The following DNAH3 variants were observed in gnomAD, a reference collection of about 807,000 sequenced individuals.
The protein encoded by DNAH3 is axonemal beta dynein heavy chain 3.
A neutral mutation model predicts 432.5 loss-of-function variants in DNAH3; 332 were observed. The ratio of observed to expected loss-of-function variants is 0.77; its 90% CI spans 0.70 to 0.84. The LOEUF (loss-of-function observed/expected upper bound fraction) is 0.84, where lower values mean the gene tolerates loss of function less well. Ranked by LOEUF, DNAH3 falls within the 40% of genes least tolerant of loss-of-function variation. DNAH3 has a pLI of 0.00. For missense variants in DNAH3, 4,861 were observed against 5,114.0 expected (o/e 0.95, Z 1.51); for synonymous variants, 1,956 against 1,900.2 (o/e 1.03, Z -0.76).
chr16:21,121,957 A>T (rs138874390), exon 10 of DNAH3: 28 of 1,612,182 alleles, frequency 1.7e-5, no homozygotes, highest in Non-Finnish European at 2.2e-5. Context: ...TGGGGATCCC[A>T]TTAGAGTTCT....
In DNAH3 at chr16:21,071,767, C is replaced by T. The variant is rs141840558; in HGVS notation, c.3085-941G>A. ...AGACATTTATTGTCCACCTCCTTTG[C>T]AGAAGTCAAATACAGTCTAATCCAA... On this transcript the variant is annotated intron_variant, in intron 21 of 61. Coordinates refer to ENST00000261383, the Ensembl canonical transcript of DNAH3. 7.2e-4 allele frequency among the ~76,000 whole-genome samples: 110 copies of T among 152,134 alleles called. 2 individuals are homozygous for T. The East Asian group carries it at 0.018, about 25-fold the overall frequency.
At chr16:21,049,609 G>T in exon 31 of DNAH3, 1 of 1,614,184 alleles carries the variant, frequency 6.2e-7, no homozygotes, top group Non-Finnish European at 8.5e-7. Context: ...CCATGCTCCA[G>T]CCTGTGCCAG....
chr16:20,991,630 C>CT lies in DNAH3; in HGVS notation c.6602-3566dup, dbSNP rs570144246. Among the ~76,000 whole-genome samples, 26 of 152,254 alleles carry CT rather than the reference C, an allele frequency of 1.7e-4. No individual in the cohort carries two copies. The South Asian group carries it at 5.0e-3, about 29-fold the overall frequency. Reference sequence around the variant, plus strand: ...TTCCCTCCATTCCTTTCTTACGTGTCTTATCCGTTGAAGATCTGGGCTGTT... The same window carrying CT: ...TTCCCTCCATTCCTTTCTTACGTGTCTTTATCCGTTGAAGATCTGGGCTGTT... On this transcript the variant is annotated intron_variant, in intron 44 of 61. Coordinates refer to ENST00000261383, the Ensembl canonical transcript of DNAH3.
chr16:21,023,040 G>A (rs948464427), intron 39 of DNAH3, among the ~76,000 whole-genome samples: 2 of 152,100 alleles, frequency 1.3e-5, no homozygotes, highest in South Asian at 2.1e-4. Flanking sequence ...GAGCCACCAC[G>A]CTCAGCCTCT....
chr16:20,990,197 T>G (rs1464663108), intron 44 of DNAH3, among the ~76,000 whole-genome samples: 1 of 152,244 alleles, frequency 6.6e-6, no homozygotes, highest in Non-Finnish European at 1.5e-5. Flanking sequence ...CAGCACGCTG[T>G]CACCTCTCAC....
intron 22 of DNAH3, 40 bp from the exon 23 acceptor site, chr16:21,069,634 C>T: frequency 7.8e-6 from 12 of 1,545,644 alleles, no homozygotes; most frequent in Non-Finnish European, 1.1e-5. Context: ...ATTAACCTGC[C>T]ACTCTGCATC....
chr16:21,073,677 T>C (rs1330207589), intron 21 of DNAH3, among the ~76,000 whole-genome samples: 1 of 152,162 alleles, frequency 6.6e-6, no homozygotes, highest in South Asian at 2.1e-4. Flanking sequence ...AGACAGTCCA[T>C]AGAAACTAAA....
At chr16:21,006,462 G>C (rs771618459) in intron 41 of DNAH3, among the ~76,000 whole-genome samples, 4 of 152,116 alleles carry the variant, frequency 2.6e-5, no homozygotes, top group Non-Finnish European at 5.9e-5. Context: ...TATTCACAGA[G>C]TTGTGAAACC....
chr16:21,018,947 C>T (rs1009525358), intron 41 of DNAH3, among the ~76,000 whole-genome samples: 1 of 151,702 alleles, frequency 6.6e-6, no homozygotes, highest in Non-Finnish European at 1.5e-5. Context: ...CCATAAGTAC[C>T]CTATACGAAG....
chr16:21,000,274 C>G, exon 43 of DNAH3: 1 of 1,614,080 alleles, frequency 6.2e-7, no homozygotes, highest in South Asian at 1.1e-5. Context: ...AAGGCCCTTC[C>G]GTCGTCGATC....
chr16:21,133,974 C>A (rs912966764), intron 7 of DNAH3, among the ~76,000 whole-genome samples: 1 of 152,170 alleles, frequency 6.6e-6, no homozygotes, highest in Non-Finnish European at 1.5e-5. Context: ...AGCAGCAGAG[C>A]TAGGAGTTAG....
At chr16:21,061,231 C>CT (rs11383667) in intron 25 of DNAH3, among the ~76,000 whole-genome samples, 8,790 of 102,816 alleles carry the variant, frequency 0.085, 591 homozygotes, top group East Asian at 0.13. Flanking sequence ...GGCGATAGGC[C>CT]TTTTTTTTTT....
chr16:20,998,741 C>CAA (rs57836728), intron 43 of DNAH3, among the ~76,000 whole-genome samples: 34 of 78,150 alleles, frequency 4.4e-4, no homozygotes, highest in Non-Finnish European at 5.5e-4. Flanking sequence ...GACTCCGTCT[C>CAA]AAAAAAAAAA....
intron 44 of DNAH3, among the ~76,000 whole-genome samples, chr16:20,993,916 T>C (rs1467215383): frequency 1.3e-5 from 2 of 152,224 alleles, no homozygotes; most frequent in Non-Finnish European, 2.9e-5. Context: ...AGTGATCATT[T>C]TGAGTCAATA....
At chr16:20,969,894 T>G in exon 52 of DNAH3, 4 of 1,614,144 alleles carry the variant, frequency 2.5e-6, no homozygotes, top group Non-Finnish European at 3.4e-6. Context: ...TGCATCGACT[T>G]CACCAGCGAG....
At chr16:21,001,738 G>T (rs943697576) in intron 42 of DNAH3, among the ~76,000 whole-genome samples, 10 of 152,154 alleles carry the variant, frequency 6.6e-5, no homozygotes, top group African/African-American at 2.2e-4. Flanking sequence ...GAAGAAACTG[G>T]CTAACTTATC....
intron 32 of DNAH3, 87 bp downstream of exon 32, chr16:21,041,940 T>G: frequency 6.6e-7 from 1 of 1,514,002 alleles, no homozygotes; most frequent in South Asian, 1.2e-5. Flanking sequence ...CCCAAAGTGC[T>G]GGGATTATAG....
intron 36 of DNAH3, among the ~76,000 whole-genome samples, chr16:21,031,595 G>A (rs1034465460): frequency 5.9e-4 from 88 of 148,158 alleles, no homozygotes; most frequent in African/African-American, 2.1e-3. Flanking sequence ...GAATGAAGCC[G>A]TCTCTCAAAA....
intron 37 of DNAH3, among the ~76,000 whole-genome samples, chr16:21,028,664 A>AG (rs1326431866): frequency 2.0e-5 from 3 of 151,940 alleles, no homozygotes; most frequent in Non-Finnish European, 4.4e-5. Context: ...AAAAAAAAAA[A>AG]AAAGAAAGAA....
Sources: gnomAD v4.1 joint callset for allele counts (sites outside exome capture counted in the v4.1 genomes callset) on GRCh38, gnomAD v4.1.1 for gene constraint, MANE v1.5 for transcripts, NCBI Gene and HGNC (gene_info 2026-07-23, HGNC 2026-07-21) for gene names.